The following ADGRE1 variants were observed in gnomAD, a reference collection of about 807,000 sequenced individuals.
The protein encoded by ADGRE1 is EGF-like module receptor 1.
A neutral mutation model predicts 102.7 loss-of-function variants in ADGRE1; 82 were observed. The ratio of observed to expected loss-of-function variants is 0.80; its 90% CI spans 0.67 to 0.96. The LOEUF (loss-of-function observed/expected upper bound fraction) is 0.96. Ranked by LOEUF, ADGRE1 falls within the 40% of genes least tolerant of loss-of-function variation. The pLI, the probability that ADGRE1 is intolerant of heterozygous loss-of-function variation, is 0.00. For missense variants in ADGRE1, 1,032 were observed against 1,085.3 expected (o/e 0.95, Z 0.69); for synonymous variants, 398 against 399.6 (o/e 1.00, Z 0.05).
rs1405467640 is a variant in ADGRE1, at chr19:6,901,837, C to T, written c.515-38C>T. 5.0e-6 allele frequency: 8 copies of T among 1,609,938 alleles called. No individual in the cohort carries two copies. The African/African-American group carries it at 8.0e-5, about 16-fold the overall frequency. ...TTGTAGTCTCTACTCCTTGCTTTCT[C>T]ATTTACCTTGACCTGGGTTTTCTCT... is the stretch of plus-strand genomic sequence containing the variant. On this transcript the variant is annotated intron_variant, in intron 5 of 20. Coordinates refer to ENST00000312053, the MANE Select transcript of ADGRE1 (RefSeq NM_001974.5).
At chr19:6,919,939 AG>A (rs2144975444) in intron 13 of ADGRE1, among the ~76,000 whole-genome samples, 192 bp downstream of exon 13, 1 of 152,326 alleles carries the variant, frequency 6.6e-6, no homozygotes, top group East Asian at 1.9e-4. Flanking sequence ...AAACAGAACT[AG>A]GTCCATTTGC....
intron 14 of ADGRE1, 56 bp downstream of exon 14, chr19:6,921,939 GA>G (rs757561788): frequency 9.2e-6 from 14 of 1,528,680 alleles, no homozygotes; most frequent in East Asian, 9.1e-5. Flanking sequence ...AATCCAATGG[GA>G]AAATATTGAT....
Position 6,925,007 on chromosome 19 carries a change from A to C in ADGRE1, c.1986+135A>C. On this transcript the variant is annotated intron_variant, in intron 15 of 20. Coordinates refer to ENST00000312053, the MANE Select transcript of ADGRE1 (RefSeq NM_001974.5). ...ATATGCTGTGCCCTCTGCCTGTAACACTCACTTCCCAGCTTCTTACCTGCT... is the reference window on the plus strand; with the variant it reads ...ATATGCTGTGCCCTCTGCCTGTAACCCTCACTTCCCAGCTTCTTACCTGCT... The C allele has an allele frequency of 5.0e-6, 4 of 795,930 alleles. No homozygotes were observed. The East Asian group carries it at 8.0e-5, about 16-fold the overall frequency. 49.3% of individuals were successfully genotyped at this position (795,930 alleles called of 1,614,324 possible).
At chr19:6,930,056 G>A (rs527920549) in intron 17 of ADGRE1, among the ~76,000 whole-genome samples, 9 of 152,288 alleles carry the variant, frequency 5.9e-5, no homozygotes, top group Non-Finnish European at 1.0e-4. Context: ...TCTATAGCTC[G>A]ATTCTACCGG....
At position 6,924,706 on chromosome 19, in the gene ADGRE1, A is replaced by G; in HGVS notation, c.1820A>G (p.His607Arg). 2 of 1,614,142 alleles carry G rather than the reference A, an allele frequency of 1.2e-6. No individual in the cohort carries two copies. Among genetic ancestry groups the G allele is most frequent in the Non-Finnish European group, 1.7e-6 (2 of 1,180,020 alleles). Residue 607 changes from histidine (H) to arginine (R), a missense_variant, in exon 15 of 21, where the codon CAT (histidine) becomes CGT (arginine). His to Arg is a conservative substitution (Grantham distance 29). Transcript: ENST00000312053. ...TMDFSLYIISHVGIIISLVCL... is the reference protein window; with the variant it reads ...TMDFSLYIISRVGIIISLVCL... Reference sequence around the variant, plus strand: ...GACTTTTCCTTGTACATCATTAGCCATGTAGGCATTATCATCTCCTTGGTG... The same window carrying G: ...GACTTTTCCTTGTACATCATTAGCCGTGTAGGCATTATCATCTCCTTGGTG...
chr19:6,905,967 G>T (rs958405117), intron 8 of ADGRE1, among the ~76,000 whole-genome samples: 1 of 152,156 alleles, frequency 6.6e-6, no homozygotes, highest in South Asian at 2.1e-4. Flanking sequence ...TTTTCCCATG[G>T]TATGTACCCC....
At position 6,931,563 on chromosome 19, in the gene ADGRE1, C is replaced by T. The variant is rs563747329; in HGVS notation, c.2289+3352C>T. Among the ~76,000 whole-genome samples, 182 of 152,124 alleles carry T rather than the reference C, an allele frequency of 1.2e-3. 1 individual carries two copies. The highest frequency in any genetic ancestry group is 4.2e-3 in the African/African-American group (175 of 41,502). ...CTGTAATCCCAGCATTTTGGGAGGCCGAGGCGGGTGGATCACCTGAAGTCA... is the reference window on the plus strand; with the variant it reads ...CTGTAATCCCAGCATTTTGGGAGGCTGAGGCGGGTGGATCACCTGAAGTCA... On this transcript the variant is annotated intron_variant, in intron 17 of 20. Transcript: ENST00000312053.
intron 6 of ADGRE1, among the ~76,000 whole-genome samples, chr19:6,902,464 G>A (rs1366628309): frequency 6.6e-6 from 1 of 151,736 alleles, no homozygotes; most frequent in African/African-American, 2.4e-5. Flanking sequence ...GTTTTGAGAT[G>A]GAGTCTTGCT....
intron 2 of ADGRE1, among the ~76,000 whole-genome samples, chr19:6,891,615 G>A (rs1179170907): frequency 1.3e-5 from 2 of 151,894 alleles, no homozygotes; most frequent in African/African-American, 2.4e-5. Flanking sequence ...CACCACGCCT[G>A]GCTAATTTTT....
chr19:6,913,475 C>T (rs1455159126), intron 10 of ADGRE1, among the ~76,000 whole-genome samples, 178 bp from the exon 11 acceptor site: 1 of 152,106 alleles, frequency 6.6e-6, no homozygotes, highest in East Asian at 1.9e-4. Context: ...CCACTGCACC[C>T]GGCCTGAATT....
At chr19:6,916,151 G>T in intron 11 of ADGRE1, 98 bp from the exon 12 acceptor site, 2 of 1,368,052 alleles carry the variant, frequency 1.5e-6, no homozygotes, top group South Asian at 1.4e-5. Context: ...CTTTTCCTTT[G>T]CTCGCCATGA....
intron 5 of ADGRE1, chr19:6,898,774 T>C: frequency 1.9e-6 from 1 of 520,526 alleles, no homozygotes; most frequent in South Asian, 3.8e-5. Flanking sequence ...TTTTCTCATG[T>C]AGGGATGAGA....
chr19:6,909,562 TC>T (rs1974095292), intron 10 of ADGRE1, among the ~76,000 whole-genome samples: 1 of 110,738 alleles, frequency 9.0e-6, no homozygotes, highest in Admixed American at 9.6e-5. Flanking sequence ...TTCCTCCTCC[TC>T]CTCCTTCTTC....
rs549260537 is a variant in ADGRE1 at position 6,897,662 on chromosome 19, G to A, written c.514+115G>A. The A allele has an allele frequency of 4.7e-5, 55 of 1,176,710 alleles. No homozygotes were observed. The African/African-American group carries it at 7.4e-4, about 16-fold the overall frequency. The allele number at this position is 1,176,710 out of a possible 1,614,324, so 72.9% of individuals were successfully genotyped here. A position where few individuals can be genotyped will look rare whatever the true frequency, so the allele number is the denominator to read the frequency against. On this transcript the variant is annotated intron_variant, in intron 5 of 20. Coordinates refer to ENST00000312053, the MANE Select transcript of ADGRE1 (RefSeq NM_001974.5). ...GTAGGGATAAGAAAATTGGGGCTCA[G>A]AGAGGTAAAAATATATAGTTGCTTA...
At position 6,908,661 on chromosome 19, in the gene ADGRE1, G is replaced by GGT; in HGVS notation, c.1039-28_1039-27insGT. ...AATACATCGATTCATGCTCACAAAT[G>GGT]CTCTTTTTTTTTTTTTCTGGGACGC... On this transcript the variant is annotated intron_variant, in intron 9 of 20. Coordinates refer to ENST00000312053, the MANE Select transcript of ADGRE1 (RefSeq NM_001974.5). 5.5e-6 allele frequency: 7 copies of GGT among 1,282,994 alleles called. No homozygotes were observed. In the South Asian group the frequency reaches 9.0e-5, roughly 16 times the overall value. The allele number at this position is 1,282,994 out of a possible 1,614,324, so 79.5% of individuals were successfully genotyped here. A position where few individuals can be genotyped will look rare whatever the true frequency, so the allele number is the denominator to read the frequency against.
At chr19:6,891,656 A>G (rs746358070) in intron 2 of ADGRE1, among the ~76,000 whole-genome samples, 14 of 152,002 alleles carry the variant, frequency 9.2e-5, no homozygotes, top group Non-Finnish European at 2.1e-4. Context: ...GGGTTTCACT[A>G]GAAACCAGGC....
chr19:6,928,878 G>A (rs1975029516), intron 17 of ADGRE1, among the ~76,000 whole-genome samples: 1 of 151,834 alleles, frequency 6.6e-6, no homozygotes, highest in Non-Finnish European at 1.5e-5. Context: ...GGCAGAGGTT[G>A]CGGTGAGCCG....
At chr19:6,924,479 G>A (rs11085207) in intron 14 of ADGRE1, among the ~76,000 whole-genome samples, 199 bp from the exon 15 acceptor site, 31,943 of 152,028 alleles carry the variant, frequency 0.21, 3,601 homozygotes, top group Non-Finnish European at 0.24. Context: ...GCATAGGACA[G>A]GACTGGGAAT....
At chr19:6,928,991 G>A (rs913011630) in intron 17 of ADGRE1, among the ~76,000 whole-genome samples, 5 of 151,690 alleles carry the variant, frequency 3.3e-5, no homozygotes, top group African/African-American at 9.7e-5. Flanking sequence ...TTGAGATTTC[G>A]AAGTTACAGA....
Sources: allele counts gnomAD v4.1 joint callset (sites outside exome capture counted in the v4.1 genomes callset), GRCh38; gene constraint gnomAD v4.1.1; transcripts MANE v1.5; gene names NCBI Gene and HGNC (gene_info 2026-07-23, HGNC 2026-07-21).